The following FARP1 variants were observed in gnomAD, a reference collection of about 807,000 sequenced individuals.
FARP1 encodes the protein FERM, ARH/RhoGEF and pleckstrin domain protein 1.
Under a neutral mutation model 128.8 loss-of-function variants are expected in FARP1, and 52 were observed. The observed-to-expected ratio is 0.40, with a 90% CI of 0.32 to 0.51. FARP1 has a LOEUF of 0.51. FARP1 is among the 20% of genes least tolerant of loss of function. FARP1 has a pLI of 0.45. For missense variants in FARP1, 1,333 were observed against 1,367.9 expected (o/e 0.97, Z 0.40); for synonymous variants, 580 against 551.8 (o/e 1.05, Z -0.72).
chr13:98,208,316 A>G (rs1264153112), intron 1 of FARP1, among the ~76,000 whole-genome samples: 2 of 65,916 alleles, frequency 3.0e-5, no homozygotes, highest in South Asian at 5.2e-4. Context: ...TACTGGGGAG[A>G]AAAAAAAAAA....
chr13:98,146,863 G>A (rs1875606409), intron 1 of FARP1, among the ~76,000 whole-genome samples: 1 of 152,168 alleles, frequency 6.6e-6, no homozygotes, highest in African/African-American at 2.4e-5. Context: ...GGAAGCAGCG[G>A]ATCAACTTCT....
intron 1 of FARP1, chr13:98,177,962 A>G (rs1566705185): frequency 6.6e-6 from 1 of 152,210 alleles, no homozygotes; most frequent in African/African-American, 2.4e-5. Context: ...CCTCAAAGAT[A>G]ACCACTGTCA....
chr13:98,437,683 A>AG lies in FARP1; in HGVS notation c.2275-1118dup. ...GAAGATGGTGAGTTATCTGTGCAGG[A>AG]GGGCTGTGTCCTGGACCGTGAAGAA... On this transcript the variant is annotated intron_variant, in intron 19 of 26. Transcript: ENST00000319562. 5 of 738,136 alleles carry AG rather than the reference A, an allele frequency of 6.8e-6. No homozygotes were observed. In the South Asian group the frequency reaches 7.3e-5, roughly 11 times the overall value. The allele number at this position is 738,136 out of a possible 1,614,324, so 45.7% of individuals were successfully genotyped here.
At chr13:98,288,359 G>C (rs995714474) in intron 2 of FARP1, among the ~76,000 whole-genome samples, 1 of 152,184 alleles carries the variant, frequency 6.6e-6, no homozygotes, top group African/African-American at 2.4e-5. Flanking sequence ...GGAGCCTCTT[G>C]ATATACTTAC....
Position 98,439,147 on chromosome 13 carries a change from C to T in FARP1, c.2384C>T (p.Ala795Val). ...CTATACACGAGCCGGGGGCTGACGG[C>T]CTCCAATCAGTTTAAAGTCCACGGG... ...VLLYTSRGLT[A>V]SNQFKVHGQL... The change falls in exon 21 of 27, where the codon GCC (alanine) becomes GTC (valine). Residue 795 changes from alanine (A) to valine (V), a missense_variant. Around this residue, in one of 2 missense-constraint regions of FARP1, gnomAD observed 1,009 missense variants for 969.8 expected, o/e 1.04. Coordinates refer to ENST00000319562, the MANE Select transcript of FARP1 (RefSeq NM_005766.4). 6.2e-7 allele frequency: 1 copy of T among 1,613,948 alleles called. No individual in the cohort carries two copies. Among genetic ancestry groups the T allele is most frequent in the Non-Finnish European group, 8.5e-7 (1 of 1,179,904 alleles).
chr13:98,259,997 A>G (rs1255808596), intron 2 of FARP1, among the ~76,000 whole-genome samples: 1 of 151,212 alleles, frequency 6.6e-6, no homozygotes, highest in Non-Finnish European at 1.5e-5. Context: ...GGAATAATTG[A>G]TTCTTCAAAG....
At chr13:98,308,004 G>C (rs1886245127) in intron 2 of FARP1, among the ~76,000 whole-genome samples, 1 of 92,142 alleles carries the variant, frequency 1.1e-5, no homozygotes, top group South Asian at 3.4e-4. Flanking sequence ...TGGACTGCCT[G>C]CCCCCCTCCG....
intron 1 of FARP1, among the ~76,000 whole-genome samples, chr13:98,165,710 G>GTTTGT (rs1877205378): frequency 2.7e-4 from 20 of 74,138 alleles, no homozygotes; most frequent in Non-Finnish European, 4.3e-4. Flanking sequence ...TCCAGAAGGG[G>GTTTGT]TTTTTTTTTT....
Position 98,145,550 on chromosome 13 carries a change from G to GT in FARP1, c.-24+2063dup, listed in dbSNP as rs541051808. On this transcript the variant is annotated intron_variant, in intron 1 of 26. Coordinates refer to ENST00000319562, the MANE Select transcript of FARP1 (RefSeq NM_005766.4). ...GAGTTTACAAGGAACCTGGAGGAAC[G>GT]TTTTTGTTTCACTTTTCGTTAAAGA... is the stretch of plus-strand genomic sequence containing the variant. 1.9e-3 allele frequency among the ~76,000 whole-genome samples: 256 copies of GT among 132,046 alleles called. 1 individual carries two copies. The highest frequency in any genetic ancestry group is 5.9e-3 in the African/African-American group (239 of 40,370). The allele number at this position is 132,046 out of a possible 152,430, so 86.6% of individuals were successfully genotyped here. A position where few individuals can be genotyped will look rare whatever the true frequency, so the allele number is the denominator to read the frequency against.
At chr13:98,312,925 G>T (rs1404671781) in intron 2 of FARP1, among the ~76,000 whole-genome samples, 1 of 152,094 alleles carries the variant, frequency 6.6e-6, no homozygotes, top group Non-Finnish European at 1.5e-5. Flanking sequence ...AGGAGAAGTG[G>T]GCCAGGGTTT....
chr13:98,341,429 C>A (rs1307481079), intron 2 of FARP1, among the ~76,000 whole-genome samples: 2 of 152,086 alleles, frequency 1.3e-5, no homozygotes, highest in Admixed American at 6.5e-5. Flanking sequence ...GTCAGGAGTT[C>A]GAGACCAGCG....
intron 2 of FARP1, among the ~76,000 whole-genome samples, chr13:98,255,867 G>C (rs1056894296): frequency 2.6e-5 from 4 of 152,186 alleles, no homozygotes; most frequent in Non-Finnish European, 5.9e-5. Flanking sequence ...TGCAAGAAAA[G>C]GAAGCGTAGT....
At chr13:98,342,653 T>G (rs1888018916) in intron 2 of FARP1, among the ~76,000 whole-genome samples, 1 of 151,860 alleles carries the variant, frequency 6.6e-6, no homozygotes, top group African/African-American at 2.4e-5. Flanking sequence ...TGAGCTGAGA[T>G]CGCGCCATTG....
chr13:98,347,773 CTG>C (rs1888242137), intron 3 of FARP1, among the ~76,000 whole-genome samples: 1 of 152,164 alleles, frequency 6.6e-6, no homozygotes, highest in Non-Finnish European at 1.5e-5. Context: ...ATTTGGGAGA[CTG>C]TGCACCTGTC....
chr13:98,351,624 AAAG>A (rs1373137581), intron 3 of FARP1, among the ~76,000 whole-genome samples: 68 of 151,872 alleles, frequency 4.5e-4, no homozygotes, highest in African/African-American at 1.5e-3. Context: ...AAAAAAAAAA[AAAG>A]AAAGAAAAAA....
Position 98,394,277 on chromosome 13 carries a change from A to G in FARP1, c.1164+559A>G, listed in dbSNP as rs1360710823. On this transcript the variant is annotated intron_variant, in intron 12 of 26. Coordinates refer to ENST00000319562, the MANE Select transcript of FARP1 (RefSeq NM_005766.4). ...TGGGTAAGTTCTCAGGGCTTTCTCT[A>G]AAAGAGAAAAAGAAACTTGGGGAAG... Among the ~76,000 whole-genome samples, 6 of 152,180 alleles carry G rather than the reference A, an allele frequency of 3.9e-5. No individual in the cohort carries two copies. The South Asian group carries it at 8.3e-4, about 21-fold the overall frequency.
At chr13:98,213,546 G>A (rs1191932856) in intron 2 of FARP1, 133 bp downstream of exon 2, 11 of 880,210 alleles carry the variant, frequency 1.2e-5, no homozygotes, top group East Asian at 2.7e-5. Flanking sequence ...CTCCCTCCCC[G>A]CCCCCCAATG....
At chr13:98,159,225 A>C (rs1876699595) in intron 1 of FARP1, among the ~76,000 whole-genome samples, 1 of 152,142 alleles carries the variant, frequency 6.6e-6, no homozygotes, top group South Asian at 2.1e-4. Flanking sequence ...AGCATGTTGC[A>C]TAGATTTTTA....
chr13:98,314,274 C>CTTTTTTTTTTTTTTT (rs140938723), intron 2 of FARP1, among the ~76,000 whole-genome samples: 2 of 59,988 alleles, frequency 3.3e-5, no homozygotes, highest in Non-Finnish European at 2.9e-5. Context: ...TATTTTATGT[C>CTTTTTTTTTTTTTTT]TTTTTTTTTT....
Sources: gnomAD v4.1 joint callset for allele counts (sites outside exome capture counted in the v4.1 genomes callset) on GRCh38, gnomAD v4.1.1 for gene constraint, gnomAD v4.1.1 regional missense constraint, MANE v1.5 for transcripts, NCBI Gene and HGNC (gene_info 2026-07-23, HGNC 2026-07-21) for gene names.